CARMIL1: variants seen among roughly 807,000 people sequenced by gnomAD.
The protein encoded by CARMIL1 is F-actin-uncapping protein LRRC16A.
In CARMIL1, 90 loss-of-function variants were observed where a neutral mutation model predicts 177.1. That is an observed-to-expected ratio of 0.51 (90% CI 0.43 to 0.61). CARMIL1 has a LOEUF of 0.61. CARMIL1 is among the 20% of genes least tolerant of loss of function. The pLI, the probability that CARMIL1 is intolerant of heterozygous loss-of-function variation, is 0.00. For missense variants in CARMIL1, 1,380 were observed against 1,667.0 expected, an observed-to-expected ratio of 0.83 and a Z score of 3.00; for synonymous variants, 577 against 606.2, an observed-to-expected ratio of 0.95 and a Z score of 0.71.
At position 25,292,122 on chromosome 6, in the gene CARMIL1, C is replaced by A. The variant is rs188172692; in HGVS notation, c.138+7213C>A. Among the ~76,000 whole-genome samples, 246 of 152,280 alleles carry A rather than the reference C, an allele frequency of 1.6e-3. 1 individual carries two copies. The highest frequency in any genetic ancestry group is 2.0e-3 in the Non-Finnish European group (137 of 68,020). ...AGACTGCAATGTCTTCTGAAGAATGCTGTCAGAAAATCATTATTCTAGGTC... is the reference window on the plus strand; with the variant it reads ...AGACTGCAATGTCTTCTGAAGAATGATGTCAGAAAATCATTATTCTAGGTC... On this transcript the variant is annotated intron_variant, in intron 2 of 36. Coordinates refer to ENST00000329474, the MANE Select transcript of CARMIL1 (RefSeq NM_017640.6).
chr6:25,534,116 C>T (rs1387749942), intron 24 of CARMIL1, among the ~76,000 whole-genome samples: 5 of 151,316 alleles, frequency 3.3e-5, no homozygotes, highest in Non-Finnish European at 7.4e-5. Context: ...CTACCTTCTA[C>T]GTCTTTTTTT....
Position 25,435,481 on chromosome 6 carries a change from A to T in CARMIL1, c.250-2A>T. ...TAAGAAGTGTCCCACCGGTTCTTGC[A>T]GATGATTGTGGAAACTGAGAAGTGC... On this transcript the variant is annotated splice_acceptor_variant, in intron 4 of 36. Coordinates refer to ENST00000329474, the MANE Select transcript of CARMIL1 (RefSeq NM_017640.6). LOFTEE classifies it high-confidence loss of function. 1 of 1,550,654 alleles carries T rather than the reference A, an allele frequency of 6.4e-7. No homozygotes were observed. The highest frequency in any genetic ancestry group is 8.7e-7 in the Non-Finnish European group (1 of 1,146,384).
At chr6:25,364,572 C>CTTTTTTTTTTTTTTTTT (rs199573991) in intron 2 of CARMIL1, among the ~76,000 whole-genome samples, 7 of 150,466 alleles carry the variant, frequency 4.7e-5, no homozygotes, top group African/African-American at 1.2e-4. Flanking sequence ...TCTTTTTCTT[C>CTTTTTTTTTTTTTTTTT]TTTTTTTTGA....
chr6:25,331,033 C>T (rs1417129608), intron 2 of CARMIL1, among the ~76,000 whole-genome samples: 1 of 151,310 alleles, frequency 6.6e-6, no homozygotes, highest in Non-Finnish European at 1.5e-5. Flanking sequence ...AATATTGTTT[C>T]TATGGGAAAT....
rs144132253 is a variant in CARMIL1 at position 25,495,538 on chromosome 6, C to CGTGTGTGTGT, written c.1325+352_1325+361dup. On this transcript the variant is annotated intron_variant, in intron 16 of 36. Transcript: ENST00000329474. ...TCCATTTCAGGCATATTCGTTTGTT[C>CGTGTGTGTGT]GTGTGTGTGTGTGTGTGTGTGTGTG... is the stretch of plus-strand genomic sequence containing the variant. Among the ~76,000 whole-genome samples the CGTGTGTGTGT allele has an allele frequency of 3.5e-3, 510 of 144,962 alleles. 3 individuals carry two copies. The highest frequency in any genetic ancestry group is 5.4e-3 in the Admixed American group (78 of 14,546).
chr6:25,459,460 C>T (rs544367657), intron 8 of CARMIL1, among the ~76,000 whole-genome samples: 1 of 151,118 alleles, frequency 6.6e-6, no homozygotes. Context: ...ACCATGTTGC[C>T]CAGCTGGTCA....
intron 5 of CARMIL1, among the ~76,000 whole-genome samples, chr6:25,445,325 T>C (rs761075581): frequency 8.5e-5 from 13 of 152,212 alleles, no homozygotes; most frequent in South Asian, 2.1e-4. Context: ...ACTAAACTCT[T>C]ATACCCTTCA....
chr6:25,594,260 G>T (rs1814600079), intron 31 of CARMIL1, among the ~76,000 whole-genome samples, 155 bp from the exon 32 acceptor site: 1 of 152,156 alleles, frequency 6.6e-6, no homozygotes, highest in Admixed American at 6.5e-5. Flanking sequence ...TGTTATGATT[G>T]TACATATGGC....
intron 2 of CARMIL1, among the ~76,000 whole-genome samples, chr6:25,372,891 G>A (rs1490410012): frequency 6.6e-6 from 1 of 152,074 alleles, no homozygotes; most frequent in Non-Finnish European, 1.5e-5. Context: ...GTCATACATG[G>A]CTTTTATTAT....
chr6:25,548,958 A>G (rs1179126075), intron 26 of CARMIL1, among the ~76,000 whole-genome samples: 2 of 152,180 alleles, frequency 1.3e-5, no homozygotes, highest in African/African-American at 4.8e-5. Flanking sequence ...CCCTGGATGA[A>G]GTTACTTTTA....
chr6:25,573,163 G>T (rs1320170809), intron 29 of CARMIL1, among the ~76,000 whole-genome samples: 3 of 152,002 alleles, frequency 2.0e-5, no homozygotes, highest in Non-Finnish European at 2.9e-5. Flanking sequence ...GATGGGGAGG[G>T]GCACCTAAAG....
intron 2 of CARMIL1, among the ~76,000 whole-genome samples, chr6:25,316,478 C>G (rs1784283799): frequency 6.7e-6 from 1 of 149,270 alleles, no homozygotes; most frequent in African/African-American, 2.5e-5. Context: ...GGAGTGTGAT[C>G]TCCACTCACC....
chr6:25,472,688 T>G, intron 11 of CARMIL1, 167 bp downstream of exon 11: 1 of 575,610 alleles, frequency 1.7e-6, no homozygotes, highest in Non-Finnish European at 3.1e-6. Context: ...AATGCTTATG[T>G]TACAATTGTA....
chr6:25,339,147 A>G (rs2150315921), intron 2 of CARMIL1, among the ~76,000 whole-genome samples: 1 of 152,344 alleles, frequency 6.6e-6, no homozygotes, highest in Admixed American at 6.5e-5. Context: ...TATTATGGAC[A>G]GGTGGTGTAG....
rs558399397 is a variant in CARMIL1 at position 25,337,948 on chromosome 6, G to A, written c.138+53039G>A. 2.6e-3 allele frequency among the ~76,000 whole-genome samples: 390 copies of A among 152,288 alleles called. 2 individuals are homozygous for A. The highest frequency in any genetic ancestry group is 8.2e-3 in the African/African-American group (339 of 41,564). ...ATCTGGCTTTAGGAACTAACTAGCT[G>A]GTTCTGACTAGCGTATGAGGGTGGG... is the stretch of plus-strand genomic sequence containing the variant. On this transcript the variant is annotated intron_variant, in intron 2 of 36. Coordinates refer to ENST00000329474, the MANE Select transcript of CARMIL1 (RefSeq NM_017640.6).
At chr6:25,448,571 A>C (rs1315696402) in intron 5 of CARMIL1, among the ~76,000 whole-genome samples, 4 of 152,042 alleles carry the variant, frequency 2.6e-5, no homozygotes, top group Non-Finnish European at 2.9e-5. Context: ...CCAACTCCCT[A>C]CGTCCCACCT....
At chr6:25,432,071 C>G (rs1796838369) in intron 4 of CARMIL1, among the ~76,000 whole-genome samples, 1 of 152,288 alleles carries the variant, frequency 6.6e-6, no homozygotes, top group Admixed American at 6.5e-5. Context: ...CCTCATTCTC[C>G]TCAAACACAC....
chr6:25,452,960 A>G (rs1799132117), intron 8 of CARMIL1, among the ~76,000 whole-genome samples: 1 of 152,242 alleles, frequency 6.6e-6, no homozygotes, highest in Admixed American at 6.5e-5. Context: ...ATTTTGTTAC[A>G]TTAAAGTCTG....
At chr6:25,437,200 A>G (rs1342120192) in intron 5 of CARMIL1, among the ~76,000 whole-genome samples, 1 of 152,168 alleles carries the variant, frequency 6.6e-6, no homozygotes, top group African/African-American at 2.4e-5. Flanking sequence ...TTCCTTCTAA[A>G]TTAATACTGA....
Sources: gnomAD v4.1 joint callset for allele counts (sites outside exome capture counted in the v4.1 genomes callset) on GRCh38, gnomAD v4.1.1 for gene constraint, MANE v1.5 for transcripts, NCBI Gene and HGNC (gene_info 2026-07-23, HGNC 2026-07-21) for gene names.